The following R3HDM2 variants were observed in gnomAD, a reference collection of about 807,000 sequenced individuals.
The protein encoded by R3HDM2 is R3H domain containing 2.
A neutral mutation model predicts 124.5 loss-of-function variants in R3HDM2; 38 were observed. That is an observed-to-expected ratio of 0.31 (90% CI 0.24 to 0.40). The LOEUF (loss-of-function observed/expected upper bound fraction) is 0.40. R3HDM2 is among the 10% of genes least tolerant of loss of function. The probability of loss-of-function intolerance (pLI) is 1.00; values close to 1 mark genes in which losing one functional copy is unlikely to be tolerated. For synonymous variants in R3HDM2, 391 were observed against 448.0 expected, an observed-to-expected ratio of 0.87 and a Z score of 1.61; for missense variants, 869 against 1,236.9, an observed-to-expected ratio of 0.70 and a Z score of 4.46.
chr12:57,260,090 C>G (rs890489858), intron 19 of R3HDM2, among the ~76,000 whole-genome samples: 18 of 151,282 alleles, frequency 1.2e-4, no homozygotes, highest in Non-Finnish European at 2.7e-4. Context: ...ATGGTGAAAC[C>G]CCATCTCTAC....
At chr12:57,351,950 GA>G (rs2060720400) in intron 2 of R3HDM2, among the ~76,000 whole-genome samples, 1 of 152,052 alleles carries the variant, frequency 6.6e-6, no homozygotes, top group Non-Finnish European at 1.5e-5. Context: ...TAATTAAAAA[GA>G]AACAAAACTT....
At chr12:57,372,263 A>G (rs942762017) in intron 2 of R3HDM2, among the ~76,000 whole-genome samples, 7 of 152,346 alleles carry the variant, frequency 4.6e-5, no homozygotes, top group Non-Finnish European at 5.9e-5. Context: ...GAAGACAGAC[A>G]CGTGGGTCCT....
chr12:57,386,698 T>A (rs553453588), intron 2 of R3HDM2, among the ~76,000 whole-genome samples: 3 of 152,358 alleles, frequency 2.0e-5, no homozygotes, highest in East Asian at 3.9e-4. Flanking sequence ...GCAGCCCCAG[T>A]GCAGGATCCA....
At chr12:57,324,965 G>C (rs2057083699) in intron 2 of R3HDM2, among the ~76,000 whole-genome samples, 1 of 152,140 alleles carries the variant, frequency 6.6e-6, no homozygotes, top group Non-Finnish European at 1.5e-5. Flanking sequence ...GGACACAGAA[G>C]TACACCAGAG....
chr12:57,293,721 A>G (rs2049122670), intron 10 of R3HDM2, among the ~76,000 whole-genome samples: 1 of 152,206 alleles, frequency 6.6e-6, no homozygotes, highest in African/African-American at 2.4e-5. Flanking sequence ...GAGGCTTTGA[A>G]AGCTTCACAT....
intron 1 of R3HDM2, among the ~76,000 whole-genome samples, chr12:57,411,056 T>C (rs1167677728): frequency 1.3e-5 from 2 of 152,190 alleles, no homozygotes; most frequent in Non-Finnish European, 1.5e-5. Flanking sequence ...CTTAGAGCAG[T>C]CATCCACATA....
chr12:57,372,900 A>G (rs1339330611), intron 2 of R3HDM2, among the ~76,000 whole-genome samples: 1 of 152,250 alleles, frequency 6.6e-6, no homozygotes, highest in Non-Finnish European at 1.5e-5. Flanking sequence ...TGGTCTTCCC[A>G]GATTTAAATT....
chr12:57,372,504 C>T (rs749183528), intron 2 of R3HDM2, among the ~76,000 whole-genome samples: 5 of 152,088 alleles, frequency 3.3e-5, no homozygotes, highest in Non-Finnish European at 7.3e-5. Flanking sequence ...GAAATTGGCA[C>T]GCAAACCAAA....
chr12:57,356,219 T>C (rs1005795506), intron 2 of R3HDM2, among the ~76,000 whole-genome samples: 2 of 152,176 alleles, frequency 1.3e-5, no homozygotes, highest in African/African-American at 4.8e-5. Flanking sequence ...ATGCCCTCTA[T>C]CCAATTGAAG....
intron 2 of R3HDM2, among the ~76,000 whole-genome samples, chr12:57,394,591 C>CT (rs1170891095): frequency 2.6e-5 from 4 of 152,060 alleles, no homozygotes; most frequent in African/African-American, 9.7e-5. Context: ...CAATAAAGGT[C>CT]TTTTTTTAAA....
intron 2 of R3HDM2, among the ~76,000 whole-genome samples, chr12:57,314,218 G>A (rs547010841): frequency 2.5e-4 from 36 of 145,566 alleles, no homozygotes; most frequent in African/African-American, 9.2e-4. Context: ...GGTAGCTCAC[G>A]CCTGTAATCC....
intron 1 of R3HDM2, among the ~76,000 whole-genome samples, chr12:57,426,750 C>A (rs1386188820): frequency 6.6e-6 from 1 of 152,152 alleles, no homozygotes; most frequent in South Asian, 2.1e-4. Context: ...CCCCAAAGCA[C>A]GAGATGTTTG....
chr12:57,387,192 T>G (rs1240548976), intron 2 of R3HDM2, among the ~76,000 whole-genome samples: 2 of 151,982 alleles, frequency 1.3e-5, no homozygotes, highest in Non-Finnish European at 2.9e-5. Context: ...CCGGCTGGGG[T>G]CCCCTTCCAC....
intron 2 of R3HDM2, among the ~76,000 whole-genome samples, chr12:57,329,238 C>G (rs115112551): frequency 6.6e-6 from 1 of 152,226 alleles, no homozygotes; most frequent in African/African-American, 2.4e-5. Flanking sequence ...AGACGAGCGT[C>G]ATTATGGTGA....
At chr12:57,387,297 G>A (rs2065984011) in intron 2 of R3HDM2, among the ~76,000 whole-genome samples, 1 of 152,004 alleles carries the variant, frequency 6.6e-6, no homozygotes, top group African/African-American at 2.4e-5. Context: ...AACACTCACC[G>A]CAAAGGTCTG....
intron 1 of R3HDM2, chr12:57,415,444 A>T (rs1266199137): frequency 6.6e-6 from 1 of 152,180 alleles, no homozygotes; most frequent in Non-Finnish European, 1.5e-5. Flanking sequence ...TCAGACAAGG[A>T]TCATCAATGG....
At position 57,354,348 on chromosome 12, in the gene R3HDM2, C is replaced by T. The variant is rs375994892; in HGVS notation, c.-36+41401G>A. 3.3e-5 allele frequency among the ~76,000 whole-genome samples: 5 copies of T among 152,042 alleles called. No homozygotes were observed. The South Asian group carries it at 6.2e-4, about 19-fold the overall frequency. On this transcript the variant is annotated intron_variant, in intron 2 of 23. Coordinates refer to ENST00000402412, the MANE Select transcript of R3HDM2 (RefSeq NM_001394031.1). ...TGACTCTGTCACGCAGGCTCGAGTG[C>T]GGTGGTGCAATCTCAGTTCATGTAA...
At chr12:57,290,990 G>A (rs185797637) in intron 11 of R3HDM2, among the ~76,000 whole-genome samples, 1 of 152,292 alleles carries the variant, frequency 6.6e-6, no homozygotes, top group African/African-American at 2.4e-5. Context: ...ATGTACAAAT[G>A]ACATCTCTCC....
At position 57,348,914 on chromosome 12, in the gene R3HDM2, A is replaced by C. The variant is rs185950683; in HGVS notation, c.-35-38451T>G. Among the ~76,000 whole-genome samples, 12 of 152,184 alleles carry C rather than the reference A, an allele frequency of 7.9e-5. No homozygotes were observed. In the South Asian group the frequency reaches 8.3e-4, roughly 11 times the overall value. ...CTAAACAAAAAAAGAAGCGGAAATC[A>C]AGTAGTATTGGCTGTTTTTCCATTT... On this transcript the variant is annotated intron_variant, in intron 2 of 23. Coordinates refer to ENST00000402412, the MANE Select transcript of R3HDM2 (RefSeq NM_001394031.1).
Sources: gnomAD v4.1 joint callset for allele counts (sites outside exome capture counted in the v4.1 genomes callset) on GRCh38, gnomAD v4.1.1 for gene constraint, MANE v1.5 for transcripts, NCBI Gene and HGNC (gene_info 2026-07-23, HGNC 2026-07-21) for gene names.